Variants in ZNF10 observed in about 807,000 individuals in gnomAD.
The protein encoded by ZNF10 is zinc finger protein 10.
ZNF10 carries 8 observed loss-of-function variants against 12.2 expected under a neutral mutation model. The ratio of observed to expected loss-of-function variants is 0.66; its 90% CI spans 0.39 to 1.18. ZNF10 has a LOEUF of 1.18. Among genes scored for constraint, ZNF10 ranks in the 50% most tolerant of loss-of-function variants. ZNF10 has a pLI of 0.01. For synonymous variants in ZNF10, 229 were observed against 228.2 expected (o/e 1.00, Z -0.03); for missense variants, 603 against 678.9 (o/e 0.89, Z 1.24).
At chr12:133,138,628 C>T (rs997825454) in intron 1 of ZNF10, among the ~76,000 whole-genome samples, 16 of 152,032 alleles carry the variant, frequency 1.1e-4, no homozygotes, top group Non-Finnish European at 1.6e-4. Flanking sequence ...AATATTATTC[C>T]GAGGATAGGA....
chr12:133,133,620 G>A (rs916080341), intron 1 of ZNF10, among the ~76,000 whole-genome samples: 9 of 152,210 alleles, frequency 5.9e-5, no homozygotes, highest in Admixed American at 5.9e-4. Context: ...GTGGGAAGGC[G>A]TCACAGCATA....
intron 4 of ZNF10, among the ~76,000 whole-genome samples, chr12:133,154,649 C>G (rs11615281): frequency 6.6e-6 from 1 of 152,098 alleles, no homozygotes; most frequent in South Asian, 2.1e-4. Flanking sequence ...AACTTTTGTG[C>G]AGTTACTCTT....
At chr12:133,145,837 A>C (rs1170197801) in intron 2 of ZNF10, among the ~76,000 whole-genome samples, 1 of 147,872 alleles carries the variant, frequency 6.8e-6, no homozygotes, top group Non-Finnish European at 1.5e-5. Context: ...AAAAAAACAA[A>C]AAAAACACAA....
At chr12:133,138,813 T>A (rs757678210) in intron 1 of ZNF10, among the ~76,000 whole-genome samples, 1 of 152,198 alleles carries the variant, frequency 6.6e-6, no homozygotes, top group Non-Finnish European at 1.5e-5. Flanking sequence ...CTTGGCATAT[T>A]GTAAGTATTC....
chr12:133,137,986 T>A (rs1420501461), intron 1 of ZNF10, among the ~76,000 whole-genome samples: 1 of 152,070 alleles, frequency 6.6e-6, no homozygotes, highest in African/African-American at 2.4e-5. Flanking sequence ...AAATAAATAA[T>A]GGTTTACATC....
intron 2 of ZNF10, among the ~76,000 whole-genome samples, chr12:133,146,719 G>A (rs147816894): frequency 0.016 from 2,486 of 151,930 alleles, 51 homozygotes; most frequent in African/African-American, 0.056. Context: ...AGTGGCGGGC[G>A]CCTATAAACT....
At chr12:133,153,928 C>T (rs1250742515) in intron 4 of ZNF10, among the ~76,000 whole-genome samples, 1 of 152,136 alleles carries the variant, frequency 6.6e-6, no homozygotes, top group African/African-American at 2.4e-5. Flanking sequence ...TCTTGGTCTC[C>T]ATGTTCACAT....
intron 1 of ZNF10, among the ~76,000 whole-genome samples, chr12:133,137,928 C>G (rs1955921798): frequency 6.6e-6 from 1 of 151,970 alleles, no homozygotes; most frequent in South Asian, 2.1e-4. Flanking sequence ...ATAAAAGGAT[C>G]CTTTGTGATG....
intron 2 of ZNF10, among the ~76,000 whole-genome samples, chr12:133,147,708 C>T (rs111959195): frequency 4.0e-5 from 6 of 151,364 alleles, no homozygotes; most frequent in East Asian, 1.9e-4. Flanking sequence ...TGCCTTCTCC[C>T]GGATTCAAGC....
intron 1 of ZNF10, chr12:133,144,172 G>A: frequency 4.8e-6 from 1 of 206,904 alleles, no homozygotes. Context: ...GTAATGGTAG[G>A]TAGGATCATT....
At position 133,155,816 on chromosome 12, in the gene ZNF10, A is replaced by C. The variant is rs779875260; in HGVS notation, c.570A>C (p.Ser190=). The change falls in exon 5 of 5, where the codon TCA becomes TCC. Residue 190 remains serine, a synonymous_variant. Transcript: ENST00000248211. ...VLREYFHKRD[S]HTKSLKHDLV... ...GAGAGTATTTCCATAAACGTGACTC[A>C]CATACTAAAAGTTTAAAACATGATT... 6.2e-7 allele frequency: 1 copy of C among 1,613,852 alleles called. No individual in the cohort carries two copies. Among genetic ancestry groups the C allele is most frequent in the Non-Finnish European group, 8.5e-7 (1 of 1,179,914 alleles).
intron 1 of ZNF10, among the ~76,000 whole-genome samples, chr12:133,134,484 C>T (rs1013027750): frequency 1.3e-5 from 2 of 152,154 alleles, no homozygotes; most frequent in East Asian, 3.9e-4. Flanking sequence ...ATAGATTCTT[C>T]TCTAGAGCCT....
intron 4 of ZNF10, among the ~76,000 whole-genome samples, chr12:133,153,154 A>C (rs1956018531): frequency 6.6e-6 from 1 of 152,036 alleles, no homozygotes; most frequent in Non-Finnish European, 1.5e-5. Flanking sequence ...TGGACCCAGC[A>C]GTTTATATTT....
Position 133,156,021 on chromosome 12 carries a change from A to G in ZNF10, c.775A>G (p.Ile259Val). Residue 259 changes from isoleucine to valine, a missense_variant, in exon 5 of 5, where the codon ATA becomes GTA. By Grantham distance (29) the Ile-to-Val change is conservative (BLOSUM62 3). This residue lies in a region of ZNF10 where 393 missense variants were observed against 399.7 expected (regional missense o/e 0.98). Coordinates refer to ENST00000248211, the MANE Select transcript of ZNF10 (RefSeq NM_015394.5). ...HGSSLGISKG[I>V]HREKPYECKE... ...TTCATCTCTTGGTATATCAAAGGGCATACATAGAGAGAAACCCTATGAATG... is the reference window on the plus strand; with the variant it reads ...TTCATCTCTTGGTATATCAAAGGGCGTACATAGAGAGAAACCCTATGAATG... The G allele has an allele frequency of 8.7e-6, 14 of 1,613,824 alleles. No homozygotes were observed. Among genetic ancestry groups the G allele is most frequent in the Non-Finnish European group, 1.2e-5 (14 of 1,180,008 alleles).
Position 133,155,879 on chromosome 12 carries a change from C to T in ZNF10, c.633C>T (p.Asn211=), listed in dbSNP as rs1956036975. The T allele has an allele frequency of 6.2e-7, 1 of 1,613,438 alleles. No homozygotes were observed. The highest frequency in any genetic ancestry group is 8.5e-7 in the Non-Finnish European group (1 of 1,179,704). Residue 211 remains asparagine, a synonymous_variant, in exon 5 of 5, where the codon AAC becomes AAT. Coordinates refer to ENST00000248211, the MANE Select transcript of ZNF10 (RefSeq NM_015394.5). ...LNGHQDSCAS[N]SNECGQTFCQ... is the part of the protein sequence containing the mutation. ...GTCATCAGGACAGTTGTGCAAGTAA[C>T]AGTAATGAATGTGGTCAAACTTTCT...
At chr12:133,153,191 A>T (rs868603134) in intron 4 of ZNF10, among the ~76,000 whole-genome samples, 6 of 152,276 alleles carry the variant, frequency 3.9e-5, no homozygotes, top group Middle Eastern at 6.8e-3. Flanking sequence ...GTCAAAAGAA[A>T]TACTCAGACT....
chr12:133,140,326 T>C (rs1245775624), intron 1 of ZNF10, among the ~76,000 whole-genome samples: 3 of 150,094 alleles, frequency 2.0e-5, no homozygotes, highest in African/African-American at 4.9e-5. Flanking sequence ...CACGGTAAGC[T>C]ATGATCATGC....
In ZNF10 at chr12:133,157,601, G is replaced by C. The variant is rs951570611; in HGVS notation, c.*633G>C. ...TTGAAAGTATACAGATAATTGAACA[G>C]AATTGATTTGTTAGATAAGGAGATT... On this transcript the variant is annotated 3_prime_UTR_variant, in exon 5 of 5. Transcript: ENST00000248211. 2.0e-5 allele frequency: 3 copies of C among 152,216 alleles called. No individual in the cohort carries two copies. The highest frequency in any genetic ancestry group is 6.5e-5 in the Admixed American group (1 of 15,272). 9.4% of individuals were successfully genotyped at this position (152,216 alleles called of 1,614,324 possible).
intron 1 of ZNF10, among the ~76,000 whole-genome samples, chr12:133,141,509 A>T (rs1369961679): frequency 6.6e-6 from 1 of 152,106 alleles, no homozygotes; most frequent in South Asian, 2.1e-4. Flanking sequence ...AGAAAGTATT[A>T]AAAAAAATTG....
Sources: gnomAD v4.1 joint callset for allele counts (sites outside exome capture counted in the v4.1 genomes callset) on GRCh38, gnomAD v4.1.1 for gene constraint, gnomAD v4.1.1 regional missense constraint, MANE v1.5 for transcripts, NCBI Gene and HGNC (gene_info 2026-07-23, HGNC 2026-07-21) for gene names.